The following FN1 variants were observed in gnomAD, a reference collection of about 807,000 sequenced individuals.
FN1 encodes the protein fibronectin.
Under a neutral mutation model 297.3 loss-of-function variants are expected in FN1, and 106 were observed. The observed-to-expected ratio is 0.36, with a 90% CI of 0.30 to 0.42. FN1 has a LOEUF of 0.42. Among genes scored for constraint, FN1 ranks in the 10% least tolerant of loss-of-function variants. FN1 has a pLI of 1.00. For missense variants in FN1, 2,690 were observed against 3,124.9 expected (o/e 0.86, Z 3.32); for synonymous variants, 1,149 against 1,152.6 (o/e 1.00, Z 0.06).
chr2:215,423,050 G>A (rs945613524), intron 9 of FN1, among the ~76,000 whole-genome samples: 24 of 152,114 alleles, frequency 1.6e-4, no homozygotes, highest in Non-Finnish European at 2.2e-4. Flanking sequence ...ACAAACCTGT[G>A]CAAATTCATA....
At chr2:215,415,036 T>C in intron 12 of FN1, 78 bp from the exon 13 acceptor site, 3 of 1,127,388 alleles carry the variant, frequency 2.7e-6, no homozygotes, top group Non-Finnish European at 4.0e-6. Flanking sequence ...TGGACAGTCA[T>C]CATTATAAAC....
chr2:215,388,354 C>G (rs2059290329), intron 26 of FN1, 53 bp from the exon 27 acceptor site: 5 of 1,243,456 alleles, frequency 4.0e-6, no homozygotes, highest in Non-Finnish European at 5.9e-6. Flanking sequence ...GCATGAGAAA[C>G]TAAAGCACGC....
intron 30 of FN1, 136 bp downstream of exon 30, chr2:215,383,884 G>A (rs1309699889): frequency 4.3e-6 from 4 of 933,762 alleles, no homozygotes; most frequent in African/African-American, 1.6e-5. Context: ...TCTGTTCGCT[G>A]CAGGTGCTAG....
At chr2:215,368,819 CT>C (rs1321068389) in intron 41 of FN1, among the ~76,000 whole-genome samples, 1 of 152,006 alleles carries the variant, frequency 6.6e-6, no homozygotes, top group Non-Finnish European at 1.5e-5. Context: ...GATCTTATCT[CT>C]TTATGATTTG....
rs1399331127 is a variant in FN1, at chr2:215,423,759, C to A, written c.1217-233G>T. ...TGTCATTTCCCCAGCACCCCCCCCA[C>A]AAAAGATTAAATGATAGCTTTGAAT... On this transcript the variant is annotated intron_variant, in intron 8 of 45. Coordinates refer to ENST00000354785, the MANE Select transcript of FN1 (RefSeq NM_212482.4). 3.3e-5 allele frequency among the ~76,000 whole-genome samples: 5 copies of A among 150,566 alleles called. No individual in the cohort carries two copies. In the East Asian group the frequency reaches 1.0e-3, roughly 31 times the overall value.
At chr2:215,367,622 C>T (rs1037394638) in intron 42 of FN1, 41 of 534,704 alleles carry the variant, frequency 7.7e-5, no homozygotes, top group African/African-American at 6.5e-4. Context: ...GCACCATAAT[C>T]TTATGTGTAA....
chr2:215,436,065 G>A lies in FN1; in HGVS notation c.-263C>T, dbSNP rs2067426378. 3.5e-6 allele frequency: 2 copies of A among 569,380 alleles called. No individual in the cohort carries two copies. Among genetic ancestry groups the A allele is most frequent in the East Asian group, 3.8e-5 (1 of 26,414 alleles). The allele number at this position is 569,380 out of a possible 1,614,324, so 35.3% of individuals were successfully genotyped here. A position where few individuals can be genotyped will look rare whatever the true frequency, so the allele number is the denominator to read the frequency against. On this transcript the variant is annotated 5_prime_UTR_variant, in exon 1 of 46. Coordinates refer to ENST00000354785, the MANE Select transcript of FN1 (RefSeq NM_212482.4). ...TCCCCCTGTGCAGCACAGCCGGCGCGGGCGTCCGAGCGCCGGGAGCCGGGG... is the reference window on the plus strand; with the variant it reads ...TCCCCCTGTGCAGCACAGCCGGCGCAGGCGTCCGAGCGCCGGGAGCCGGGG...
chr2:215,431,822 G>C lies in FN1; in HGVS notation c.547+11C>G, dbSNP rs771181386. The C allele has an allele frequency of 1.0e-4, 169 of 1,613,910 alleles. No homozygotes were observed. Among genetic ancestry groups the C allele is most frequent in the Non-Finnish European group, 1.3e-4 (156 of 1,179,950 alleles). On this transcript the variant is annotated intron_variant, in intron 4 of 45. Coordinates refer to ENST00000354785, the MANE Select transcript of FN1 (RefSeq NM_212482.4). ...CATCCCAGCTCTTGCTCAGCCCTAA[G>C]ACTCACACACCTATGGGCTTGCAGG...
chr2:215,420,665 C>CT lies in FN1; in HGVS notation c.1675+7dup. 6.2e-7 allele frequency: 1 copy of CT among 1,614,082 alleles called. No homozygotes were observed. Among genetic ancestry groups the CT allele is most frequent in the Non-Finnish European group, 8.5e-7 (1 of 1,179,956 alleles). On this transcript the variant is annotated splice_region_variant and intron_variant, in intron 11 of 45. Transcript: ENST00000354785. ...TGCAAACTCATCTAGGGAAATAGGG[C>CT]TACTCACCGACGGGATCACACTTCC...
At chr2:215,424,694 G>C (rs2065030826) in intron 7 of FN1, among the ~76,000 whole-genome samples, 1 of 152,160 alleles carries the variant, frequency 6.6e-6, no homozygotes, top group Non-Finnish European at 1.5e-5. Flanking sequence ...TTCTGGGGGA[G>C]AATTGTGTAG....
chr2:215,430,937 A>G (rs565741283), intron 4 of FN1, 85 bp from the exon 5 acceptor site: 2 of 1,482,654 alleles, frequency 1.3e-6, no homozygotes, highest in African/African-American at 2.8e-5. Context: ...GTAGTGTGTA[A>G]GCAAAAATTC....
Position 215,368,004 on chromosome 2 carries a change from T to C in FN1, c.6877A>G (p.Thr2293Ala). The change falls in exon 42 of 46, where the codon ACG becomes GCG. Residue 2293 changes from threonine to alanine, a missense_variant. Coordinates refer to ENST00000354785, the MANE Select transcript of FN1 (RefSeq NM_212482.4). Reference protein sequence around the residue: ...NSVNEGLNQPTDDSCFDPYTV... With the variant: ...NSVNEGLNQPADDSCFDPYTV... ...TAGGGGTCAAAGCACGAGTCATCCG[T>C]AGGTTGGTTCAAGCCTTCGTTGACT... The C allele has an allele frequency of 6.2e-7, 1 of 1,614,148 alleles. No homozygotes were observed. Among genetic ancestry groups the C allele is most frequent in the Non-Finnish European group, 8.5e-7 (1 of 1,179,994 alleles).
chr2:215,376,089 C>A (rs781014810), intron 36 of FN1, among the ~76,000 whole-genome samples: 5 of 152,286 alleles, frequency 3.3e-5, no homozygotes, highest in Middle Eastern at 3.4e-3. Flanking sequence ...TAAAAAAGAC[C>A]TCAGATATTG....
In FN1 at chr2:215,428,122, C is replaced by A. The variant is rs187520650; in HGVS notation, c.844+58G>T. The A allele has an allele frequency of 1.6e-5, 25 of 1,593,522 alleles. No individual in the cohort carries two copies. The Admixed American group carries it at 2.0e-4, about 13-fold the overall frequency. On this transcript the variant is annotated intron_variant, in intron 6 of 45. Coordinates refer to ENST00000354785, the MANE Select transcript of FN1 (RefSeq NM_212482.4). Reference sequence around the variant, plus strand: ...GCATGTCAAAGGAAAGATGGATTTGCGGAAATATTTCTTGACCTGCTTCCC... The same window carrying A: ...GCATGTCAAAGGAAAGATGGATTTGAGGAAATATTTCTTGACCTGCTTCCC...
At chr2:215,399,881 G>A (rs1245892057) in intron 20 of FN1, among the ~76,000 whole-genome samples, 2 of 152,072 alleles carry the variant, frequency 1.3e-5, no homozygotes, top group African/African-American at 4.8e-5. Flanking sequence ...ATTATAGAAG[G>A]TGATCTAAAA....
Position 215,423,490 on chromosome 2 carries a change from G to A in FN1, c.1253C>T (p.Ala418Val). 6.2e-7 allele frequency: 1 copy of A among 1,614,152 alleles called. No homozygotes were observed. The highest frequency in any genetic ancestry group is 8.5e-7 in the Non-Finnish European group (1 of 1,180,018). Residue 418 changes from alanine to valine, a missense_variant, in exon 9 of 46, where the codon GCC becomes GTC. Physicochemically the swap from Ala to Val is moderately conservative, Grantham distance 64. Around this residue, in one of 3 missense-constraint regions of FN1, gnomAD observed 876 missense variants for 1,058.1 expected, o/e 0.83. Transcript: ENST00000354785. The part of the protein sequence containing the change: ...VQTRGGNSNG[A>V]LCHFPFLYNN... ...GTATAGGAAGGGGAAGTGGCACAAGGCACCATTGGAATTTCCTCCTCGAGT... is the reference window on the plus strand; with the variant it reads ...GTATAGGAAGGGGAAGTGGCACAAGACACCATTGGAATTTCCTCCTCGAGT...
Position 215,368,016 on chromosome 2 carries a change from A to T in FN1, c.6865T>A (p.Leu2289Met). 6.2e-7 allele frequency: 1 copy of T among 1,614,202 alleles called. No individual in the cohort carries two copies. Among genetic ancestry groups the T allele is most frequent in the East Asian group, 2.2e-5 (1 of 44,890 alleles). The change falls in exon 42 of 46, where the codon TTG (leucine) becomes ATG (methionine). Residue 2289 changes from leucine to methionine, a missense_variant. By Grantham distance (15) the Leu-to-Met change is conservative. Transcript: ENST00000354785. ...VTVGNSVNEGLNQPTDDSCFD... is the reference protein window; with the variant it reads ...VTVGNSVNEGMNQPTDDSCFD... ...CACGAGTCATCCGTAGGTTGGTTCA[A>T]GCCTTCGTTGACTATGAAGAAAAGG...
chr2:215,401,235 A>AAGGAAGGAAGG (rs1559475044), intron 20 of FN1, among the ~76,000 whole-genome samples: 51 of 58,120 alleles, frequency 8.8e-4, no homozygotes, highest in African/African-American at 2.9e-3. Flanking sequence ...AGAAAGAAAG[A>AAGGAAGGAAGG]AAGAAAGAAA....
At chr2:215,434,989 A>T (rs2106555814) in intron 1 of FN1, among the ~76,000 whole-genome samples, 165 bp from the exon 2 acceptor site, 1 of 152,366 alleles carries the variant, frequency 6.6e-6, no homozygotes, top group South Asian at 2.1e-4. Context: ...TACATAAAAA[A>T]GTTGGAAACA....
Sources: allele counts gnomAD v4.1 joint callset (sites outside exome capture counted in the v4.1 genomes callset), GRCh38; gene constraint gnomAD v4.1.1; regional missense constraint gnomAD v4.1.1; transcripts MANE v1.5; gene names NCBI Gene and HGNC (gene_info 2026-07-23, HGNC 2026-07-21).